Variants in POM121 observed in about 807,000 individuals in gnomAD.
The protein encoded by POM121 is nuclear envelope pore membrane protein POM 121.
POM121 carries 32 observed loss-of-function variants against 81.3 expected under a neutral mutation model. The ratio of observed to expected loss-of-function variants is 0.39; its 90% confidence interval spans 0.30 to 0.53. The LOEUF is 0.53. Among genes scored for constraint, POM121 ranks in the 20% least tolerant of loss-of-function variants. The pLI, the probability that POM121 is intolerant of heterozygous loss-of-function variation, is 0.66. For missense variants in POM121, 1,138 were observed against 1,614.6 expected, an observed-to-expected ratio of 0.70 and a Z score of 5.06; for synonymous variants, 514 against 694.2, an observed-to-expected ratio of 0.74 and a Z score of 4.08.
chr7:72,911,132 C>T (rs1430854768), intron 3 of POM121, among the ~76,000 whole-genome samples: 1 of 152,152 alleles, frequency 6.6e-6, no homozygotes, highest in African/African-American at 2.4e-5. Flanking sequence ...TACTGGCGCT[C>T]GCCACCACGC....
intron 3 of POM121, among the ~76,000 whole-genome samples, chr7:72,903,770 T>A (rs187964243): frequency 2.0e-5 from 3 of 152,376 alleles, no homozygotes; most frequent in African/African-American, 7.2e-5. Flanking sequence ...TTAGCCAGTC[T>A]GTGTACAACT....
At chr7:72,922,556 G>A (rs1586138386), upstream of POM121, among the ~76,000 whole-genome samples, 2 of 140,082 alleles carry the variant, frequency 1.4e-5, no homozygotes, top group Non-Finnish European at 3.1e-5. Context: ...AAATTTTTGT[G>A]TTTTTTTTTT....
chr7:72,910,233 T>C (rs1178944460), intron 3 of POM121, among the ~76,000 whole-genome samples: 1 of 152,232 alleles, frequency 6.6e-6, no homozygotes, highest in Non-Finnish European at 1.5e-5. Context: ...AAGTGTACTT[T>C]CCTTCCCTTC....
chr7:72,926,141 T>A (rs1386248929), intron 1 of POM121, 121 bp from the exon 2 acceptor site: 23 of 1,059,842 alleles, frequency 2.2e-5, no homozygotes, highest in Non-Finnish European at 3.0e-5. Context: ...CCGTGTTCTG[T>A]GTTGCTTAGA....
At chr7:72,914,922 C>T (rs1477338163) in intron 4 of POM121, among the ~76,000 whole-genome samples, 1 of 152,162 alleles carries the variant, frequency 6.6e-6, no homozygotes, top group Non-Finnish European at 1.5e-5. Context: ...CCCTCCCCAC[C>T]CTGACCCACC....
chr7:72,928,338 CA>C (rs782677661), intron 3 of POM121, 46 bp from the exon 4 acceptor site: 4 of 1,609,700 alleles, frequency 2.5e-6, no homozygotes, highest in East Asian at 2.2e-5. Context: ...TTTAAAGGGA[CA>C]AAAAAAGTCA....
At chr7:72,887,802 G>A (rs1463219171) in intron 1 of POM121, among the ~76,000 whole-genome samples, 12 of 152,070 alleles carry the variant, frequency 7.9e-5, no homozygotes, top group African/African-American at 2.9e-4. Flanking sequence ...ACTCCAGCCT[G>A]GAAGACAAGA....
intron 5 of POM121, among the ~76,000 whole-genome samples, chr7:72,935,916 T>C (rs1796466176): frequency 6.6e-6 from 1 of 152,206 alleles, no homozygotes; most frequent in Non-Finnish European, 1.5e-5. Context: ...CTGTATGTTC[T>C]TTAGGATTTT....
intron 4 of POM121, among the ~76,000 whole-genome samples, chr7:72,916,183 C>T (rs1794278518): frequency 6.6e-6 from 1 of 152,324 alleles, no homozygotes; most frequent in Non-Finnish European, 1.5e-5. Flanking sequence ...AGTTAGATCC[C>T]ATTTGTCAAT....
chr7:72,915,990 G>T (rs552525927), intron 4 of POM121, among the ~76,000 whole-genome samples: 1 of 152,252 alleles, frequency 6.6e-6, no homozygotes, highest in Admixed American at 6.5e-5. Flanking sequence ...TTTTTGATGG[G>T]GTTGTTTGTT....
At chr7:72,929,536 C>T (rs545259488) in intron 4 of POM121, among the ~76,000 whole-genome samples, 25 of 152,016 alleles carry the variant, frequency 1.6e-4, no homozygotes, top group Non-Finnish European at 2.6e-4. Flanking sequence ...TAAAATAGAC[C>T]GTACTTGTTT....
At chr7:72,937,080 C>T (rs557784219) in intron 5 of POM121, among the ~76,000 whole-genome samples, 361 of 152,164 alleles carry the variant, frequency 2.4e-3, no homozygotes, top group Non-Finnish European at 3.4e-3. Flanking sequence ...CATGGTGAAA[C>T]CCTGTCTCTA....
intron 10 of POM121, among the ~76,000 whole-genome samples, chr7:72,941,426 CTT>C (rs1389951086): frequency 2.0e-5 from 3 of 148,916 alleles, no homozygotes; most frequent in Non-Finnish European, 4.5e-5. Context: ...GCGCACACCT[CTT>C]TATCAGACGG....
upstream of POM121, among the ~76,000 whole-genome samples, chr7:72,923,382 G>A (rs1375775133): frequency 6.6e-6 from 1 of 151,876 alleles, no homozygotes; most frequent in Non-Finnish European, 1.5e-5. Flanking sequence ...AGACCTCTCA[G>A]CTCCAGGAGC....
rs377106663 is a variant in POM121, at chr7:72,946,167, C to T, written c.3683C>T (p.Ala1228Val). 409 of 1,611,710 alleles carry T rather than the reference C, an allele frequency of 2.5e-4. No individual in the cohort carries two copies. Among genetic ancestry groups the T allele is most frequent in the Non-Finnish European group, 3.3e-4 (384 of 1,179,744 alleles). The change falls in exon 13 of 13, where the codon GCG becomes GTG. Residue 1228 changes from alanine to valine, a missense_variant. This residue lies in a region of POM121 where 336 missense variants were observed against 344.3 expected (regional missense o/e 0.98). Coordinates refer to ENST00000434423, the MANE Select transcript of POM121 (RefSeq NM_001387691.1). The stretch of plus-strand genomic sequence containing the variant: ...GCGGCCCTTTCATTTTCCATTGGTG[C>T]GGGATCCAAGACCCCAGGGGCTCGA... Reference protein sequence around the residue: ...GSAALSFSIGAGSKTPGARQR... With the variant: ...GSAALSFSIGVGSKTPGARQR...
At chr7:72,879,623 G>A in exon 1 of POM121, 1 of 306,454 alleles carries the variant, frequency 3.3e-6, no homozygotes, top group South Asian at 2.3e-5. Flanking sequence ...AGGGGCGACG[G>A]GACCTGGGCC....
chr7:72,926,452 G>T lies in POM121; in HGVS notation c.835G>T (p.Asp279Tyr). 4 of 1,614,000 alleles carry T rather than the reference G, an allele frequency of 2.5e-6. No individual in the cohort carries two copies. Among genetic ancestry groups the T allele is most frequent in the Non-Finnish European group, 3.4e-6 (4 of 1,179,876 alleles). ...SPVTVRIAPP[D>Y]RRFSRSAIPE... ...AGTGACTGTGAGGATCGCCCCTCCT[G>T]ACAGAAGATTTTCGCGTTCTGCGAT... Residue 279 changes from aspartate (D) to tyrosine (Y), a missense_variant, in exon 2 of 13, where the codon GAC (aspartate) becomes TAC (tyrosine). By Grantham distance (160) the Asp-to-Tyr change is radical. This residue lies in a region of POM121 where 646 missense variants were observed against 633.5 expected (regional missense o/e 1.02). Transcript: ENST00000434423.
chr7:72,907,042 T>A (rs1368602746), intron 3 of POM121, among the ~76,000 whole-genome samples: 1 of 152,226 alleles, frequency 6.6e-6, no homozygotes, highest in Non-Finnish European at 1.5e-5. Flanking sequence ...TTGTTCCCTC[T>A]GGGTTTTTTT....
downstream of POM121, chr7:72,948,738 G>A (rs374530433): frequency 9.7e-6 from 15 of 1,553,452 alleles, no homozygotes; most frequent in East Asian, 1.1e-4. Context: ...GGGGAAGCCC[G>A]GAGGCAGTGC....
Sources: gnomAD v4.1 joint callset for allele counts (sites outside exome capture counted in the v4.1 genomes callset) on GRCh38, gnomAD v4.1.1 for gene constraint, gnomAD v4.1.1 regional missense constraint, MANE v1.5 for transcripts, NCBI Gene and HGNC (gene_info 2026-07-23, HGNC 2026-07-21) for gene names.